TBRG4: variants seen among roughly 807,000 people sequenced by gnomAD.
TBRG4 encodes the protein transforming growth factor beta regulator 4, also known as FAST kinase domain-containing protein 4.
In TBRG4, 43 loss-of-function variants were observed where a neutral mutation model predicts 65.6. That is an observed-to-expected ratio of 0.66 (90% CI 0.51 to 0.85). The LOEUF (loss-of-function observed/expected upper bound fraction) is 0.85. TBRG4 is among the 40% of genes least tolerant of loss of function. TBRG4 has a pLI of 0.00. For missense variants in TBRG4, 709 were observed against 787.9 expected (o/e 0.90, Z 1.20); for synonymous variants, 366 against 341.4 (o/e 1.07, Z -0.79).
chr7:45,101,657 C>T, intron 8 of TBRG4, 43 bp from the exon 9 acceptor site: 1 of 1,604,000 alleles, frequency 6.2e-7, no homozygotes, highest in Non-Finnish European at 8.5e-7. Context: ...GGGGACATCC[C>T]TCAGAAACCC....
chr7:45,102,858 T>C (rs769368077), intron 6 of TBRG4, among the ~76,000 whole-genome samples: 11 of 152,292 alleles, frequency 7.2e-5, no homozygotes, highest in Non-Finnish European at 1.3e-4. Flanking sequence ...CTCTGAGAGA[T>C]GAGAGCATCC....
rs1210038331 is a variant in TBRG4 at position 45,105,676 on chromosome 7, G to A, written c.500C>T (p.Ser167Leu). The A allele has an allele frequency of 4.3e-6, 7 of 1,614,040 alleles. No individual in the cohort carries two copies. The highest frequency in any genetic ancestry group is 2.2e-5 in the East Asian group (1 of 44,886). ...GIPKASKELQ[S>L]VEQEVRWRMR... ...GCGCCAGCGGACCTCCTGCTCCACCGACTGCAGCTCCTTGGAGGCCTTGGG... is the reference window on the plus strand; with the variant it reads ...GCGCCAGCGGACCTCCTGCTCCACCAACTGCAGCTCCTTGGAGGCCTTGGG... The change falls in exon 3 of 11, where the codon TCG (serine) becomes TTG (leucine). Residue 167 changes from serine to leucine, a missense_variant. Ser to Leu is a moderately radical substitution (Grantham distance 145). Transcript: ENST00000258770.
chr7:45,101,537 T>C lies in TBRG4; in HGVS notation c.1645A>G (p.Thr549Ala). 2 of 1,613,774 alleles carry C rather than the reference T, an allele frequency of 1.2e-6. No individual in the cohort carries two copies. Among genetic ancestry groups the C allele is most frequent in the Non-Finnish European group, 1.7e-6 (2 of 1,179,940 alleles). ...CCTGGAGGTGGTGACTGGCTCCCAG[T>C]TGGCTGGGCAAGGTGAGGTGCCACA... is the stretch of plus-strand genomic sequence containing the variant. ...DFVAPHLAQP[T>A]GSQSPPPGSK... The change falls in exon 9 of 11, where the codon ACT (threonine) becomes GCT (alanine). Residue 549 changes from threonine to alanine, a missense_variant. Thr to Ala is a moderately conservative substitution (Grantham distance 58). Coordinates refer to ENST00000258770, the MANE Select transcript of TBRG4 (RefSeq NM_004749.4).
intron 2 of TBRG4, chr7:45,107,790 T>C (rs1404020076): frequency 1.3e-5 from 2 of 154,210 alleles, no homozygotes; most frequent in South Asian, 2.0e-4. Flanking sequence ...TTAAATCACA[T>C]GTGAGTAAAA....
chr7:45,107,136 G>A (rs1263662244), intron 2 of TBRG4: 1 of 152,150 alleles, frequency 6.6e-6, no homozygotes, highest in Non-Finnish European at 1.5e-5. Flanking sequence ...TCCTAGGGAT[G>A]ACCAAGCTGC....
chr7:45,111,431 G>T (rs189189211), intron 1 of TBRG4: 2 of 346,460 alleles, frequency 5.8e-6, no homozygotes, highest in South Asian at 2.5e-5. Flanking sequence ...AACAGGGGCG[G>T]CGTCTTCCAG....
intron 2 of TBRG4, chr7:45,106,574 G>A (rs565422204): frequency 6.5e-6 from 1 of 153,316 alleles, no homozygotes; most frequent in Non-Finnish European, 1.5e-5. Context: ...TCAGGAGTTC[G>A]AGACTAGCCT....
Position 45,101,359 on chromosome 7 carries a change from G to T in TBRG4, c.1693C>A (p.Arg565=). The T allele has an allele frequency of 6.2e-7, 1 of 1,613,962 alleles. No individual in the cohort carries two copies. Among genetic ancestry groups the T allele is most frequent in the Non-Finnish European group, 8.5e-7 (1 of 1,179,980 alleles). ...CTGTTGAAGTTGGGGAACTCCCACC[G>T]CAAGAACGCTAGCCTGGAAGGAAGA... ...PPGSKRLAFL[R]WEFPNFNSRS... is the part of the protein sequence containing the mutation. Residue 565 remains arginine, a synonymous_variant, in exon 10 of 11, where the codon CGG becomes AGG. Coordinates refer to ENST00000258770, the MANE Select transcript of TBRG4 (RefSeq NM_004749.4).
At position 45,102,797 on chromosome 7, in the gene TBRG4, CATA is replaced by C. The variant is rs897710360; in HGVS notation, c.1177-309_1177-307del. On this transcript the variant is annotated intron_variant, in intron 6 of 10. Coordinates refer to ENST00000258770, the MANE Select transcript of TBRG4 (RefSeq NM_004749.4). ...TGGCAGGGAACAAGATCCCTTCTCCCATAATGTCTCCAAGTGAGCACCTGGGAC... is the reference window on the plus strand; with the variant it reads ...TGGCAGGGAACAAGATCCCTTCTCCCATGTCTCCAAGTGAGCACCTGGGAC... 5.5e-5 allele frequency: 24 copies of C among 432,880 alleles called. No homozygotes were observed. In the Middle Eastern group the frequency reaches 3.7e-3, roughly 67 times the overall value. The allele number at this position is 432,880 out of a possible 1,614,324, so 26.8% of individuals were successfully genotyped here.
At chr7:45,105,341 G>C (rs1351952473) in intron 3 of TBRG4, 100 bp downstream of exon 3, 5 of 1,322,804 alleles carry the variant, frequency 3.8e-6, no homozygotes, top group Non-Finnish European at 5.2e-6. Context: ...TCTGATCCCA[G>C]TGCACACAAC....
chr7:45,103,107 C>T (rs1442643682), intron 6 of TBRG4: 3 of 568,598 alleles, frequency 5.3e-6, no homozygotes, highest in Non-Finnish European at 9.5e-6. Context: ...AGAGGCAGGA[C>T]CCCCCAGCGC....
intron 6 of TBRG4, chr7:45,102,825 C>A (rs1203509670): frequency 2.8e-6 from 1 of 363,458 alleles, no homozygotes. Flanking sequence ...GCACCTGGGA[C>A]AAGGAAGGAG....
intron 1 of TBRG4, among the ~76,000 whole-genome samples, chr7:45,111,053 G>A (rs2004428): frequency 0.53 from 80,254 of 151,958 alleles, 22,488 homozygotes; most frequent in African/African-American, 0.73. Context: ...TCGAGTCACT[G>A]CAACCTCAGC....
At chr7:45,107,721 T>C (rs1436669401) in intron 2 of TBRG4, 1 of 154,620 alleles carries the variant, frequency 6.5e-6, no homozygotes, top group Non-Finnish European at 1.5e-5. Flanking sequence ...TGTTATTACA[T>C]TACAGATACT....
At chr7:45,107,151 G>A (rs537039279) in intron 2 of TBRG4, 10 of 152,228 alleles carry the variant, frequency 6.6e-5, no homozygotes, top group African/African-American at 2.4e-4. Flanking sequence ...AGCTGCTGCT[G>A]CTACCAGCAG....
intron 1 of TBRG4, 166 bp downstream of exon 1, chr7:45,111,477 C>A: frequency 9.6e-6 from 8 of 834,818 alleles, no homozygotes; most frequent in Non-Finnish European, 1.3e-5. Context: ...AGCGTGCGCA[C>A]TGGCAAGCCA....
At chr7:45,101,681 A>G in intron 8 of TBRG4, 67 bp from the exon 9 acceptor site, 1 of 1,598,310 alleles carries the variant, frequency 6.3e-7, no homozygotes, top group Non-Finnish European at 8.5e-7. Context: ...CACAGGAAAG[A>G]TGAACAAAGA....
Position 45,105,536 on chromosome 7 carries a change from G to A in TBRG4, c.640C>T (p.Arg214Cys), listed in dbSNP as rs200226969. ...LAELLTHLER[R>C]WTEIEDSHTL... ...TGGGAATCTTCAATTTCTGTCCAAC[G>A]CCTTTCCAGGTGTGTGAGCAGCTCA... is the stretch of plus-strand genomic sequence containing the variant. Residue 214 changes from arginine (R) to cysteine (C), a missense_variant, in exon 3 of 11, where the codon CGT becomes TGT. Coordinates refer to ENST00000258770, the MANE Select transcript of TBRG4 (RefSeq NM_004749.4). The A allele has an allele frequency of 3.1e-6, 5 of 1,614,036 alleles. No individual in the cohort carries two copies. Among genetic ancestry groups the A allele is most frequent in the Non-Finnish European group, 4.2e-6 (5 of 1,180,050 alleles).
intron 5 of TBRG4, 24 bp from the exon 6 acceptor site, chr7:45,103,467 G>C: frequency 1.9e-6 from 3 of 1,578,374 alleles, no homozygotes; most frequent in Non-Finnish European, 2.6e-6. Flanking sequence ...AAATAGCAGA[G>C]GGACAGAATA....
Sources: allele counts gnomAD v4.1 joint callset (sites outside exome capture counted in the v4.1 genomes callset), GRCh38; gene constraint gnomAD v4.1.1; transcripts MANE v1.5; gene names NCBI Gene and HGNC (gene_info 2026-07-23, HGNC 2026-07-21).